The following FAM107B variants were observed in gnomAD, a reference collection of about 807,000 sequenced individuals.
FAM107B encodes the protein protein FAM107B.
In FAM107B, 21 loss-of-function variants were observed where a neutral mutation model predicts 31.5. The ratio of observed to expected loss-of-function variants is 0.67; its 90% CI spans 0.47 to 0.96. The LOEUF is 0.96. Ranked by LOEUF, FAM107B falls within the 40% of genes least tolerant of loss-of-function variation. The pLI, the probability that FAM107B is intolerant of heterozygous loss-of-function variation, is 0.00. For synonymous variants in FAM107B, 157 were observed against 141.5 expected (o/e 1.11, Z -0.78); for missense variants, 452 against 377.1 (o/e 1.20, Z -1.64).
At position 14,636,012 on chromosome 10, in the gene FAM107B, C is replaced by T. The variant is rs111240788; in HGVS notation, c.469+31622G>A. On this transcript the variant is annotated intron_variant, in intron 2 of 4. Transcript: ENST00000181796. Reference sequence around the variant, plus strand: ...TGCACAATGAATTCAGTAGTCTTTACGCCAATCTACAAATAATACCATGAC... The same window carrying T: ...TGCACAATGAATTCAGTAGTCTTTATGCCAATCTACAAATAATACCATGAC... Among the ~76,000 whole-genome samples the T allele has an allele frequency of 1.1e-4, 17 of 152,290 alleles. 1 individual carries two copies. Among genetic ancestry groups the T allele is most frequent in the South Asian group, 6.2e-4 (3 of 4,826 alleles).
At chr10:14,666,811 C>T (rs1854414438) in intron 2 of FAM107B, among the ~76,000 whole-genome samples, 1 of 152,140 alleles carries the variant, frequency 6.6e-6, no homozygotes, top group Admixed American at 6.5e-5. Context: ...ATTAATTGCT[C>T]ATTGTGTCTC....
At chr10:14,717,359 C>G (rs1228950898) in intron 1 of FAM107B, among the ~76,000 whole-genome samples, 1 of 152,070 alleles carries the variant, frequency 6.6e-6, no homozygotes, top group African/African-American at 2.4e-5. Flanking sequence ...CACAGGATTG[C>G]AAGGTGAGGT....
chr10:14,736,431 G>A (rs1031080005), intron 1 of FAM107B, among the ~76,000 whole-genome samples: 2 of 152,144 alleles, frequency 1.3e-5, no homozygotes, highest in Non-Finnish European at 2.9e-5. Flanking sequence ...CAATCTAAGG[G>A]ACAAGCCAAA....
chr10:14,589,494 C>G (rs1851949314), intron 2 of FAM107B, among the ~76,000 whole-genome samples: 1 of 152,070 alleles, frequency 6.6e-6, no homozygotes, highest in African/African-American at 2.4e-5. Context: ...TATGGAAAGT[C>G]CTTGAAAGGC....
At chr10:14,637,389 C>T (rs1317703219) in intron 2 of FAM107B, among the ~76,000 whole-genome samples, 1 of 152,158 alleles carries the variant, frequency 6.6e-6, no homozygotes, top group Non-Finnish European at 1.5e-5. Context: ...AATCTCAGCC[C>T]TTTGGGAGGT....
chr10:14,756,156 C>T (rs1315237760), intron 1 of FAM107B, among the ~76,000 whole-genome samples: 1 of 152,092 alleles, frequency 6.6e-6, no homozygotes, highest in Admixed American at 6.6e-5. Context: ...TCAGGGGGAG[C>T]TTTATGGTAT....
intron 2 of FAM107B, among the ~76,000 whole-genome samples, chr10:14,541,798 T>C (rs1485414809): frequency 6.6e-6 from 1 of 152,190 alleles, no homozygotes; most frequent in Non-Finnish European, 1.5e-5. Flanking sequence ...AAAGTAGCAG[T>C]GGCCTCACAG....
intron 2 of FAM107B, among the ~76,000 whole-genome samples, chr10:14,586,950 T>C (rs532589938): frequency 6.6e-6 from 1 of 152,300 alleles, no homozygotes; most frequent in South Asian, 2.1e-4. Context: ...ACCCCAATCC[T>C]GGGACAAACT....
At chr10:14,759,741 C>T (rs1191743765) in intron 1 of FAM107B, among the ~76,000 whole-genome samples, 1 of 151,734 alleles carries the variant, frequency 6.6e-6, no homozygotes, top group African/African-American at 2.4e-5. Flanking sequence ...GATGGAGTCT[C>T]ACCTCTGCTG....
intron 2 of FAM107B, among the ~76,000 whole-genome samples, chr10:14,544,398 C>T (rs1848514789): frequency 6.6e-6 from 1 of 152,190 alleles, no homozygotes; most frequent in African/African-American, 2.4e-5. Flanking sequence ...CCCTATTCTT[C>T]CTAGTTTTTC....
At chr10:14,632,329 A>T (rs1853378883) in intron 2 of FAM107B, among the ~76,000 whole-genome samples, 1 of 90,802 alleles carries the variant, frequency 1.1e-5, no homozygotes, top group African/African-American at 4.0e-5. Context: ...AAAAAAAAAA[A>T]TGCCGGGCGC....
chr10:14,737,766 T>TTCTCTC (rs11276189), intron 1 of FAM107B, among the ~76,000 whole-genome samples: 8,058 of 126,998 alleles, frequency 0.063, 547 homozygotes, highest in African/African-American at 0.13. Context: ...CGTGCACGCT[T>TTCTCTC]TCTCTCTCTC....
intron 2 of FAM107B, among the ~76,000 whole-genome samples, chr10:14,582,391 T>TTC (rs1851666066): frequency 6.8e-6 from 1 of 147,914 alleles, no homozygotes; most frequent in African/African-American, 2.5e-5. Context: ...TTTTTTTTTT[T>TTC]TTTGAGACAG....
At chr10:14,534,115 A>G (rs1044525189) in intron 2 of FAM107B, among the ~76,000 whole-genome samples, 1 of 152,066 alleles carries the variant, frequency 6.6e-6, no homozygotes, top group African/African-American at 2.4e-5. Flanking sequence ...TCACAACTGG[A>G]GCTGGAAAAG....
intron 1 of FAM107B, among the ~76,000 whole-genome samples, chr10:14,719,497 T>C (rs535561558): frequency 3.9e-5 from 6 of 152,304 alleles, no homozygotes; most frequent in African/African-American, 7.2e-5. Context: ...AAGATACAAA[T>C]GGGCTAGCCA....
intron 1 of FAM107B, among the ~76,000 whole-genome samples, chr10:14,696,136 G>A (rs1272019906): frequency 6.6e-6 from 1 of 152,154 alleles, no homozygotes; most frequent in African/African-American, 2.4e-5. Context: ...GGCCTTCACT[G>A]TTTTGAGGAA....
chr10:14,638,748 G>T (rs780392043), intron 2 of FAM107B, among the ~76,000 whole-genome samples: 3 of 152,044 alleles, frequency 2.0e-5, no homozygotes, highest in Non-Finnish European at 4.4e-5. Flanking sequence ...TTGCCGTGCT[G>T]CAGCCAATAT....
chr10:14,569,326 G>C (rs1489684524), intron 2 of FAM107B, among the ~76,000 whole-genome samples: 5 of 152,136 alleles, frequency 3.3e-5, no homozygotes, highest in Admixed American at 6.5e-5. Flanking sequence ...GAAGATTCGA[G>C]TTATCCTATC....
chr10:14,573,718 G>A (rs1380138554), intron 2 of FAM107B, among the ~76,000 whole-genome samples: 2 of 152,034 alleles, frequency 1.3e-5, no homozygotes, highest in Non-Finnish European at 2.9e-5. Flanking sequence ...ACTCCAGCCT[G>A]GGCAACTCCA....
Sources: allele counts gnomAD v4.1 joint callset (sites outside exome capture counted in the v4.1 genomes callset), GRCh38; gene constraint gnomAD v4.1.1; transcripts MANE v1.5; gene names NCBI Gene and HGNC (gene_info 2026-07-23, HGNC 2026-07-21).